Variants in ZDHHC11 observed in about 807,000 individuals in gnomAD.
The protein encoded by ZDHHC11 is zDHHC palmitoyltransferase 11.
ZDHHC11 carries 44 observed loss-of-function variants against 51.3 expected under a neutral mutation model. That is an observed-to-expected ratio of 0.86 (90% CI 0.67 to 1.10). The LOEUF is 1.10. ZDHHC11 is among the 50% of genes least tolerant of loss of function. The pLI is 0.00. For missense variants in ZDHHC11, 400 were observed against 537.7 expected, an observed-to-expected ratio of 0.74 and a Z score of 2.53; for synonymous variants, 163 against 222.0, an observed-to-expected ratio of 0.73 and a Z score of 2.36.
At chr5:807,643 CA>C (rs1252365503) in intron 11 of ZDHHC11, among the ~76,000 whole-genome samples, 83 of 152,192 alleles carry the variant, frequency 5.5e-4, no homozygotes, top group African/African-American at 1.9e-3. Context: ...AGACCCTGGG[CA>C]GTGATGTTCA....
At chr5:835,844 CT>C in intron 6 of ZDHHC11, among the ~76,000 whole-genome samples, 1 of 151,878 alleles carries the variant, frequency 6.6e-6, no homozygotes, top group South Asian at 2.1e-4. Flanking sequence ...TTTTATTAGA[CT>C]ATGAAAGGAA....
At chr5:837,897 C>T (rs1744132643) in intron 5 of ZDHHC11, among the ~76,000 whole-genome samples, 1 of 151,946 alleles carries the variant, frequency 6.6e-6, no homozygotes, top group Non-Finnish European at 1.5e-5. Context: ...GCCGCTCTGT[C>T]TGAGGGTCCA....
At chr5:815,763 C>G (rs1740704131) in intron 10 of ZDHHC11, among the ~76,000 whole-genome samples, 1 of 151,548 alleles carries the variant, frequency 6.6e-6, no homozygotes, top group Non-Finnish European at 1.5e-5. Flanking sequence ...TTCACCAACA[C>G]TTGGTATTGT....
rs927229142 is a variant in ZDHHC11 at position 819,702 on chromosome 5, C to A, written c.1059-90G>T. ...GAGGCTACAGTGTGTCCTGTAAGCA[C>A]CACTGCAGTGGGGCCCATGTGTCTC... On this transcript the variant is annotated intron_variant, in intron 9 of 12. Transcript: ENST00000283441. 5.2e-6 allele frequency: 7 copies of A among 1,354,398 alleles called. 1 individual carries two copies. The highest frequency in any genetic ancestry group is 7.3e-6 in the Non-Finnish European group (7 of 952,744). 83.9% of individuals were successfully genotyped at this position (1,354,398 alleles called of 1,614,324 possible).
rs559088857 is a variant in ZDHHC11, at chr5:827,704, C to T, written c.936-2453G>A. ...TATCACTATCCTAACTATATATGCACGTAATGAGGGACCTGCCAAATTTAT... is the reference window on the plus strand; with the variant it reads ...TATCACTATCCTAACTATATATGCATGTAATGAGGGACCTGCCAAATTTAT... On this transcript the variant is annotated intron_variant, in intron 7 of 12. Coordinates refer to ENST00000283441, the MANE Select transcript of ZDHHC11 (RefSeq NM_024786.3). 3.2e-4 allele frequency among the ~76,000 whole-genome samples: 48 copies of T among 150,338 alleles called. 1 individual carries two copies. The highest frequency in any genetic ancestry group is 6.1e-4 in the Non-Finnish European group (41 of 67,594).
At chr5:806,461 T>A (rs1355581565) in intron 11 of ZDHHC11, among the ~76,000 whole-genome samples, 2 of 141,558 alleles carry the variant, frequency 1.4e-5, no homozygotes, top group Non-Finnish European at 3.0e-5. Flanking sequence ...TAGATGGCTA[T>A]CTTTTGGATA....
At chr5:853,355 T>G (rs972522223), upstream of ZDHHC11, among the ~76,000 whole-genome samples, 625 of 39,172 alleles carry the variant, frequency 0.016, no homozygotes, top group Admixed American at 0.022. Flanking sequence ...GAGTCGGGGG[T>G]ACAGACCCCA....
intron 1 of ZDHHC11, among the ~76,000 whole-genome samples, chr5:848,998 G>A (rs1360767570): frequency 6.6e-6 from 1 of 150,760 alleles, no homozygotes; most frequent in African/African-American, 2.4e-5. Flanking sequence ...CTGCTCACAT[G>A]GCCCTGCTCA....
At chr5:808,701 A>T (rs1406069699) in intron 11 of ZDHHC11, among the ~76,000 whole-genome samples, 5 of 129,264 alleles carry the variant, frequency 3.9e-5, no homozygotes, top group East Asian at 2.1e-4. Flanking sequence ...AACCTAGCTA[A>T]TTTTTTTTTT....
rs538683228 is a variant in ZDHHC11, at chr5:833,503, C to T, written c.935+270G>A. 1.6e-4 allele frequency among the ~76,000 whole-genome samples: 25 copies of T among 151,972 alleles called. No individual in the cohort carries two copies. The East Asian group carries it at 1.9e-3, about 12-fold the overall frequency. On this transcript the variant is annotated intron_variant, in intron 7 of 12. Coordinates refer to ENST00000283441, the MANE Select transcript of ZDHHC11 (RefSeq NM_024786.3). ...ATGGAGAGATGTAGAAATAAATAAG[C>T]GGATCTTACTCTTGTGTGTTAGTTT...
intron 3 of ZDHHC11, among the ~76,000 whole-genome samples, chr5:845,897 C>T (rs1206950936): frequency 6.7e-6 from 1 of 149,902 alleles, no homozygotes; most frequent in African/African-American, 2.5e-5. Context: ...GGTCCCTCTC[C>T]AGCACCCCTC....
At chr5:853,484 C>T (rs1747629098), upstream of ZDHHC11, among the ~76,000 whole-genome samples, 1 of 127,420 alleles carries the variant, frequency 7.8e-6, no homozygotes, top group South Asian at 2.7e-4. Flanking sequence ...GAGCGAGGAG[C>T]ACAGACCCCA....
At chr5:821,722 GA>G in intron 9 of ZDHHC11, 138 bp downstream of exon 9, 1 of 821,050 alleles carries the variant, frequency 1.2e-6, no homozygotes, top group Non-Finnish European at 1.9e-6. Flanking sequence ...CTGCTCTCTC[GA>G]AAGTGCCACC....
chr5:801,058 T>C, intron 12 of ZDHHC11, 42 bp downstream of exon 12: 1 of 1,606,456 alleles, frequency 6.2e-7, no homozygotes, highest in South Asian at 1.1e-5. Context: ...AGAACCAAAC[T>C]TGGGTAGATT....
intron 7 of ZDHHC11, among the ~76,000 whole-genome samples, chr5:825,517 C>A (rs1742234047): frequency 6.6e-6 from 1 of 152,136 alleles, no homozygotes; most frequent in African/African-American, 2.4e-5. Context: ...CCGTGTGAGA[C>A]CTGCCCTACA....
At chr5:807,269 A>G (rs1268930752) in intron 11 of ZDHHC11, among the ~76,000 whole-genome samples, 1 of 151,224 alleles carries the variant, frequency 6.6e-6, no homozygotes, top group Non-Finnish European at 1.5e-5. Context: ...AAAAAATGAA[A>G]AAGTATCCAA....
intron 5 of ZDHHC11, 155 bp downstream of exon 5, chr5:840,340 G>A (rs1248248995): frequency 1.9e-6 from 2 of 1,046,486 alleles, no homozygotes; most frequent in Admixed American, 2.0e-5. Context: ...TTCTGGGAGA[G>A]GCTGACCCTG....
chr5:856,649 C>G (rs996952288), intron 1 of ZDHHC11, among the ~76,000 whole-genome samples: 1 of 151,728 alleles, frequency 6.6e-6, no homozygotes, highest in Non-Finnish European at 1.5e-5. Context: ...AAACACACCA[C>G]ACACTGCACG....
intron 11 of ZDHHC11, among the ~76,000 whole-genome samples, chr5:804,317 T>A (rs955956388): frequency 6.6e-6 from 1 of 151,300 alleles, no homozygotes; most frequent in Non-Finnish European, 1.5e-5. Context: ...TGCCCATTAA[T>A]GTACAGGAAA....
Sources: allele counts gnomAD v4.1 joint callset (sites outside exome capture counted in the v4.1 genomes callset), GRCh38; gene constraint gnomAD v4.1.1; transcripts MANE v1.5; gene names NCBI Gene and HGNC (gene_info 2026-07-23, HGNC 2026-07-21).